ZNF512: variants seen among roughly 807,000 people sequenced by gnomAD.
The protein encoded by ZNF512 is zinc finger protein 512.
Under a neutral mutation model 77.5 loss-of-function variants are expected in ZNF512, and 25 were observed. The observed-to-expected ratio is 0.32, with a 90% CI of 0.23 to 0.45. ZNF512 has a LOEUF of 0.45. Among genes scored for constraint, ZNF512 ranks in the 20% least tolerant of loss-of-function variants. ZNF512 has a pLI of 1.00. For missense variants in ZNF512, 483 were observed against 692.6 expected, an observed-to-expected ratio of 0.70 and a Z score of 3.40; for synonymous variants, 246 against 239.9, an observed-to-expected ratio of 1.03 and a Z score of -0.24.
rs1368695806 is a variant in ZNF512, at chr2:27,597,390, T to C, written c.90-677T>C. ...CACTCTTGGAGAACTGCTGCTCTGC[T>C]GCATCTTGAGCCACCTAGAAGAATG... On this transcript the variant is annotated intron_variant, in intron 2 of 13. Transcript: ENST00000355467. 2.0e-5 allele frequency among the ~76,000 whole-genome samples: 3 copies of C among 152,366 alleles called. No homozygotes were observed. In the East Asian group the frequency reaches 5.8e-4, roughly 29 times the overall value.
intron 1 of ZNF512, chr2:27,583,443 T>G (rs1671200437): frequency 6.9e-7 from 1 of 1,447,090 alleles, no homozygotes; most frequent in Non-Finnish European, 9.0e-7. Flanking sequence ...GACAGGGCTT[T>G]GAGAATGGGG....
intron 10 of ZNF512, among the ~76,000 whole-genome samples, chr2:27,611,217 ATATCTTAGGATAT>A (rs1333705206): frequency 1.3e-5 from 2 of 152,170 alleles, no homozygotes; most frequent in African/African-American, 2.4e-5. Context: ...TTACATAACC[ATATCTTAGGATAT>A]TATCAGGATA....
intron 12 of ZNF512, 66 bp downstream of exon 12, chr2:27,616,390 T>A: frequency 7.9e-7 from 1 of 1,267,232 alleles, no homozygotes; most frequent in Non-Finnish European, 1.2e-6. Context: ...GGAAGAGAAT[T>A]CAGTTTAGGT....
In ZNF512 at chr2:27,583,118, T is replaced by G. The variant is rs768338784; in HGVS notation, c.6T>G (p.Ser2=). The G allele has an allele frequency of 1.2e-6, 2 of 1,614,122 alleles. No individual in the cohort carries two copies. Among genetic ancestry groups the G allele is most frequent in the East Asian group, 2.2e-5 (1 of 44,878 alleles). M[S]SRLGAVPATS... is the part of the protein sequence containing the mutation. ...TTAGGCGTGGAGAGGGAGTGATGTCTTCCAGACTCGGTGCTGTACCCGCCG... is the reference window on the plus strand; with the variant it reads ...TTAGGCGTGGAGAGGGAGTGATGTCGTCCAGACTCGGTGCTGTACCCGCCG... The change falls in exon 1 of 14, where the codon TCT becomes TCG. Residue 2 remains serine, a synonymous_variant. Transcript: ENST00000355467.
chr2:27,584,656 AG>A (rs1671250636), intron 2 of ZNF512, among the ~76,000 whole-genome samples: 1 of 152,228 alleles, frequency 6.6e-6, no homozygotes, highest in Non-Finnish European at 1.5e-5. Context: ...TTATCAGAGC[AG>A]GTCACTCCTA....
At chr2:27,583,251 G>T in intron 1 of ZNF512, 109 bp downstream of exon 1, 1 of 1,506,956 alleles carries the variant, frequency 6.6e-7, no homozygotes, top group Non-Finnish European at 9.2e-7. Context: ...AGAGGCCATC[G>T]TAGGCCCCAC....
intron 2 of ZNF512, among the ~76,000 whole-genome samples, chr2:27,596,042 C>T (rs544798030): frequency 1.4e-4 from 21 of 152,102 alleles, no homozygotes; most frequent in African/African-American, 3.6e-4. Context: ...GGAATGTTGC[C>T]GTTTCTGTTT....
intron 13 of ZNF512, among the ~76,000 whole-genome samples, chr2:27,617,950 C>T (rs1304674579): frequency 1.6e-5 from 2 of 128,260 alleles, no homozygotes; most frequent in East Asian, 2.4e-4. Context: ...TCCTTGAACT[C>T]TTTTTTTTTT....
chr2:27,607,440 T>C (rs1672420507), intron 9 of ZNF512, among the ~76,000 whole-genome samples: 1 of 151,830 alleles, frequency 6.6e-6, no homozygotes, highest in Non-Finnish European at 1.5e-5. Flanking sequence ...CAATCTTCAC[T>C]CACTGCAGCC....
intron 2 of ZNF512, among the ~76,000 whole-genome samples, chr2:27,591,103 C>T (rs1671554627): frequency 6.6e-6 from 1 of 152,126 alleles, no homozygotes; most frequent in African/African-American, 2.4e-5. Flanking sequence ...GTGGTGCGGT[C>T]ATAGCTCACT....
At chr2:27,610,279 A>C (rs1224104606) in intron 10 of ZNF512, among the ~76,000 whole-genome samples, 1 of 143,840 alleles carries the variant, frequency 7.0e-6, no homozygotes, top group Non-Finnish European at 1.5e-5. Context: ...CAGGAGATTC[A>C]CTTGAACCCG....
At chr2:27,595,927 G>T (rs1671849190) in intron 2 of ZNF512, among the ~76,000 whole-genome samples, 1 of 152,066 alleles carries the variant, frequency 6.6e-6, no homozygotes, top group Non-Finnish European at 1.5e-5. Context: ...TTTGAAAATT[G>T]CTCACATTTT....
intron 10 of ZNF512, 70 bp from the exon 11 acceptor site, chr2:27,615,098 T>G (rs1292808065): frequency 3.5e-6 from 3 of 855,228 alleles, no homozygotes; most frequent in Non-Finnish European, 5.7e-6. Context: ...AAGAGTTGGG[T>G]GTGAAACTTT....
At chr2:27,609,598 G>C (rs1672519861) in intron 10 of ZNF512, among the ~76,000 whole-genome samples, 1 of 152,190 alleles carries the variant, frequency 6.6e-6, no homozygotes, top group Non-Finnish European at 1.5e-5. Flanking sequence ...GCTGGGCACA[G>C]TGGCTCACAC....
At chr2:27,588,816 A>G (rs1302897939) in intron 2 of ZNF512, among the ~76,000 whole-genome samples, 1 of 150,084 alleles carries the variant, frequency 6.7e-6, no homozygotes, top group African/African-American at 2.4e-5. Context: ...GAAAATTGCT[A>G]TTTTAACAAT....
chr2:27,600,097 T>C (rs1357167263), intron 5 of ZNF512, 44 bp downstream of exon 5: 1 of 1,589,186 alleles, frequency 6.3e-7, no homozygotes, highest in Non-Finnish European at 8.6e-7. Flanking sequence ...GTTCTCACAC[T>C]CTGATTTGTT....
intron 8 of ZNF512, 32 bp downstream of exon 8, chr2:27,602,593 C>T: frequency 6.3e-7 from 1 of 1,575,736 alleles, no homozygotes; most frequent in Non-Finnish European, 8.6e-7. Context: ...TTCCTTCTGC[C>T]TGAATTCTCA....
At chr2:27,593,270 C>T (rs1407819463) in intron 2 of ZNF512, among the ~76,000 whole-genome samples, 2 of 150,780 alleles carry the variant, frequency 1.3e-5, no homozygotes, top group Non-Finnish European at 2.9e-5. Context: ...GGTACCGTGG[C>T]ACACACTTGT....
At chr2:27,589,313 TTTC>T (rs1423989361) in intron 2 of ZNF512, among the ~76,000 whole-genome samples, 8 of 152,172 alleles carry the variant, frequency 5.3e-5, no homozygotes, top group African/African-American at 1.9e-4. Context: ...AGATTTCCAG[TTTC>T]TTCTTGTGTC....
Sources: gnomAD v4.1 joint callset for allele counts (sites outside exome capture counted in the v4.1 genomes callset) on GRCh38, gnomAD v4.1.1 for gene constraint, MANE v1.5 for transcripts, NCBI Gene and HGNC (gene_info 2026-07-23, HGNC 2026-07-21) for gene names.